The following GLIS1 variants were observed in gnomAD, a reference collection of about 807,000 sequenced individuals.
GLIS1 encodes the protein GLIS family zinc finger 1.
A neutral mutation model predicts 63.8 loss-of-function variants in GLIS1; 24 were observed. The ratio of observed to expected loss-of-function variants is 0.38; its 90% confidence interval spans 0.27 to 0.53. GLIS1 has a LOEUF of 0.53. Ranked by LOEUF, GLIS1 falls within the 20% of genes least tolerant of loss-of-function variation. The pLI, the probability that GLIS1 is intolerant of heterozygous loss-of-function variation, is 0.85. For missense variants in GLIS1, 1,036 were observed against 1,074.1 expected, an observed-to-expected ratio of 0.96 and a Z score of 0.50; for synonymous variants, 450 against 482.5, an observed-to-expected ratio of 0.93 and a Z score of 0.88.
intron 4 of GLIS1, among the ~76,000 whole-genome samples, chr1:53,571,485 CAA>C (rs1202075985): frequency 6.6e-6 from 1 of 152,102 alleles, no homozygotes; most frequent in East Asian, 1.9e-4. Flanking sequence ...TGTCCATCAA[CAA>C]GAGAATGATT....
chr1:53,725,883 C>T (rs759852637), intron 2 of GLIS1, among the ~76,000 whole-genome samples: 2 of 152,200 alleles, frequency 1.3e-5, no homozygotes, highest in Non-Finnish European at 2.9e-5. Context: ...TGAAAATCTG[C>T]TTCAAGAACT....
At position 53,506,613 on chromosome 1, in the gene GLIS1, G is replaced by A. The variant is rs1448226516; in HGVS notation, c.*6C>T. On this transcript the variant is annotated 3_prime_UTR_variant, in exon 11 of 11. Coordinates refer to ENST00000628545, the MANE Select transcript of GLIS1 (RefSeq NM_001367484.1). ...GCTGGATGGGCAGGCGCATGTGGGG[G>A]CTCCTTCAGGTGTCTGTGTAGATGG... 9 of 1,612,902 alleles carry A rather than the reference G, an allele frequency of 5.6e-6. No homozygotes were observed. The highest frequency in any genetic ancestry group is 2.7e-5 in the African/African-American group (2 of 74,940).
At chr1:53,730,107 G>A (rs867451045) in intron 2 of GLIS1, among the ~76,000 whole-genome samples, 15 of 152,182 alleles carry the variant, frequency 9.9e-5, no homozygotes, top group Middle Eastern at 6.8e-3. Flanking sequence ...CACCGAAAAC[G>A]GTGTCAAAAT....
Position 53,520,629 on chromosome 1 carries a change from C to G in GLIS1, c.1726+5G>C. 2 of 1,604,464 alleles carry G rather than the reference C, an allele frequency of 1.2e-6. No homozygotes were observed. Among genetic ancestry groups the G allele is most frequent in the Non-Finnish European group, 1.7e-6 (2 of 1,175,880 alleles). On this transcript the variant is annotated splice_donor_5th_base_variant and intron_variant, in intron 7 of 10. Coordinates refer to ENST00000628545, the MANE Select transcript of GLIS1 (RefSeq NM_001367484.1). ...GCCCCTGGCCCTGCCTCCCCGCACACGTACCTGGGAGCAGCTCCTGGCCCA... is the reference window on the plus strand; with the variant it reads ...GCCCCTGGCCCTGCCTCCCCGCACAGGTACCTGGGAGCAGCTCCTGGCCCA...
chr1:53,594,970 G>A lies in GLIS1; in HGVS notation c.458C>T (p.Thr153Met), dbSNP rs556440761. 18 of 1,442,136 alleles carry A rather than the reference G, an allele frequency of 1.2e-5. No individual in the cohort carries two copies. In the African/African-American group the frequency reaches 2.0e-4, roughly 16 times the overall value. 89.3% of individuals were successfully genotyped at this position (1,442,136 alleles called of 1,614,324 possible). The change falls in exon 4 of 11, where the codon ACG (threonine) becomes ATG (methionine). Residue 153 changes from threonine to methionine, a missense_variant. Thr to Met is a moderately conservative substitution (Grantham distance 81, BLOSUM62 -1). Transcript: ENST00000628545. The part of the protein sequence containing the change: ...HPDRSPRPQA[T>M]YVNGSLPTTQ... ...GGTTGGGAGGCTGCCGTTCACATACGTGGCCTGGGGTCTAGGTGACCTGGA... is the reference window on the plus strand; with the variant it reads ...GGTTGGGAGGCTGCCGTTCACATACATGGCCTGGGGTCTAGGTGACCTGGA...
Position 53,539,431 on chromosome 1 carries a change from C to T in GLIS1, c.1321-9479G>A, listed in dbSNP as rs1375088953. Among the ~76,000 whole-genome samples the T allele has an allele frequency of 6.6e-6, 1 of 151,176 alleles. No homozygotes were observed. The highest frequency in any genetic ancestry group is 1.5e-5 in the Non-Finnish European group (1 of 67,732). On this transcript the variant is annotated intron_variant, in intron 4 of 10. Coordinates refer to ENST00000628545, the MANE Select transcript of GLIS1 (RefSeq NM_001367484.1). This position sits in a 1 kb window ranked among gnomAD's most constrained non-coding sequence, Gnocchi z 5.0. The stretch of plus-strand genomic sequence containing the variant: ...ATGAATGCACACCCCACACACACAC[C>T]ATACCACACATCACAGCACACCCCC...
chr1:53,562,408 A>T (rs1289055151), intron 4 of GLIS1, among the ~76,000 whole-genome samples: 1 of 152,190 alleles, frequency 6.6e-6, no homozygotes, highest in African/African-American at 2.4e-5. Context: ...CCAACCAGGG[A>T]AAACAACGAG....
At chr1:53,721,396 T>C (rs1340077483) in intron 2 of GLIS1, among the ~76,000 whole-genome samples, 1 of 152,192 alleles carries the variant, frequency 6.6e-6, no homozygotes, top group African/African-American at 2.4e-5. Flanking sequence ...GGAATTATAT[T>C]TGTAAGGCAC....
At chr1:53,545,001 C>T (rs1644683529) in intron 4 of GLIS1, among the ~76,000 whole-genome samples, 1 of 152,222 alleles carries the variant, frequency 6.6e-6, no homozygotes, top group Non-Finnish European at 1.5e-5. Context: ...CTTCCCCTGC[C>T]ACCAGCTTTT....
In GLIS1 at chr1:53,539,554, A is replaced by C. The variant is rs369115538; in HGVS notation, c.1321-9602T>G. 0.027 allele frequency among the ~76,000 whole-genome samples: 2,173 copies of C among 80,884 alleles called. 48 individuals are homozygous for C. Among genetic ancestry groups the C allele is most frequent in the African/African-American group, 0.074 (1,840 of 24,832 alleles). The allele number at this position is 80,884 out of a possible 152,430, so 53.1% of individuals were successfully genotyped here. A position where few individuals can be genotyped will look rare whatever the true frequency, so the allele number is the denominator to read the frequency against. ...CATACCACACGGTATACACCCCCCC[A>C]CACACACTACACATCATACACATAA... On this transcript the variant is annotated intron_variant, in intron 4 of 10. Coordinates refer to ENST00000628545, the MANE Select transcript of GLIS1 (RefSeq NM_001367484.1). The surrounding 1 kb of genome is among the most constrained non-coding windows in gnomAD (Gnocchi z 5.0).
intron 2 of GLIS1, among the ~76,000 whole-genome samples, chr1:53,631,334 A>G (rs1475737179): frequency 6.6e-6 from 1 of 152,152 alleles, no homozygotes; most frequent in Non-Finnish European, 1.5e-5. Flanking sequence ...ATTTAACTTT[A>G]TTTTCCCCCA....
Position 53,520,629 on chromosome 1 carries a change from C to T in GLIS1, c.1726+5G>A, listed in dbSNP as rs372043991. On this transcript the variant is annotated splice_donor_5th_base_variant and intron_variant, in intron 7 of 10. Coordinates refer to ENST00000628545, the MANE Select transcript of GLIS1 (RefSeq NM_001367484.1). ...GCCCCTGGCCCTGCCTCCCCGCACA[C>T]GTACCTGGGAGCAGCTCCTGGCCCA... is the stretch of plus-strand genomic sequence containing the variant. The T allele has an allele frequency of 6.5e-5, 105 of 1,604,346 alleles. No homozygotes were observed. Among genetic ancestry groups the T allele is most frequent in the Non-Finnish European group, 7.8e-5 (92 of 1,175,888 alleles).
At chr1:53,530,023 C>A in intron 4 of GLIS1, 71 bp from the exon 5 acceptor site, 3 of 1,461,810 alleles carry the variant, frequency 2.1e-6, no homozygotes, top group East Asian at 2.4e-5. Flanking sequence ...AACTAACCCC[C>A]CAGGCCTGCC....
chr1:53,724,344 A>T (rs915070882), intron 2 of GLIS1, among the ~76,000 whole-genome samples: 3 of 152,234 alleles, frequency 2.0e-5, no homozygotes, highest in African/African-American at 7.2e-5. Context: ...CTATATTTGC[A>T]GTTTCCAATA....
rs1390793514 is a variant in GLIS1 at position 53,514,538 on chromosome 1, T to G, written c.1883+87A>C. The G allele has an allele frequency of 4.6e-5, 61 of 1,326,936 alleles. No homozygotes were observed. The South Asian group carries it at 8.0e-4, about 17-fold the overall frequency. 82.2% of individuals were successfully genotyped at this position (1,326,936 alleles called of 1,614,324 possible). A position where few individuals can be genotyped will look rare whatever the true frequency, so the allele number is the denominator to read the frequency against. On this transcript the variant is annotated intron_variant, in intron 8 of 10. Coordinates refer to ENST00000628545, the MANE Select transcript of GLIS1 (RefSeq NM_001367484.1). ...ATTTTCATTATCAGTAACAAGCAGA[T>G]AGATAGTGCGGGACACCTGCTCTCC...
chr1:53,561,844 A>C (rs1384209056), intron 4 of GLIS1, among the ~76,000 whole-genome samples: 1 of 152,190 alleles, frequency 6.6e-6, no homozygotes, highest in Non-Finnish European at 1.5e-5. Context: ...GTGTCCAGAG[A>C]AACTGCAAGG....
Position 53,737,794 on chromosome 1 carries a change from G to C in GLIS1, c.259+12C>G. On this transcript the variant is annotated intron_variant, in intron 2 of 10. Coordinates refer to ENST00000628545, the MANE Select transcript of GLIS1 (RefSeq NM_001367484.1). Reference sequence around the variant, plus strand: ...CAGGAGCCGCCAGGCACGTTGGCAGGGCCGAACTCACCCTTCCCGGCGGCG... The same window carrying C: ...CAGGAGCCGCCAGGCACGTTGGCAGCGCCGAACTCACCCTTCCCGGCGGCG... 1 of 1,230,968 alleles carries C rather than the reference G, an allele frequency of 8.1e-7. No individual in the cohort carries two copies. Among genetic ancestry groups the C allele is most frequent in the Non-Finnish European group, 1.0e-6 (1 of 987,410 alleles). The allele number at this position is 1,230,968 out of a possible 1,614,324, so 76.3% of individuals were successfully genotyped here. A position where few individuals can be genotyped will look rare whatever the true frequency, so the allele number is the denominator to read the frequency against.
chr1:53,575,293 G>A (rs78343700), intron 4 of GLIS1, among the ~76,000 whole-genome samples: 42 of 152,166 alleles, frequency 2.8e-4, no homozygotes, highest in African/African-American at 8.7e-4. Context: ...ACCCTCCTGC[G>A]GTCTCTGCAG....
intron 2 of GLIS1, among the ~76,000 whole-genome samples, chr1:53,729,216 G>A (rs1646834634): frequency 6.6e-6 from 1 of 152,206 alleles, no homozygotes; most frequent in Non-Finnish European, 1.5e-5. Flanking sequence ...CTACGGACTT[G>A]AGGTCTGGGA....
Sources: gnomAD v4.1 joint callset for allele counts (sites outside exome capture counted in the v4.1 genomes callset) on GRCh38, gnomAD v4.1.1 for gene constraint, Gnocchi (gnomAD v3.1) non-coding constraint, MANE v1.5 for transcripts, NCBI Gene and HGNC (gene_info 2026-07-23, HGNC 2026-07-21) for gene names.